CCDC51: variants seen among roughly 807,000 people sequenced by gnomAD.
The protein encoded by CCDC51 is mitochondrial potassium channel.
A neutral mutation model predicts 24.8 loss-of-function variants in CCDC51; 25 were observed. The ratio of observed to expected loss-of-function variants is 1.01; its 90% confidence interval spans 0.73 to 1.41. The LOEUF is 1.41. Among genes scored for constraint, CCDC51 ranks in the 40% most tolerant of loss-of-function variants. The pLI is 0.00. For synonymous variants in CCDC51, 190 were observed against 204.3 expected, an observed-to-expected ratio of 0.93 and a Z score of 0.60; for missense variants, 466 against 519.1, an observed-to-expected ratio of 0.90 and a Z score of 0.99.
chr3:48,440,692 C>T (rs1331152916), upstream of CCDC51: 9 of 1,450,044 alleles, frequency 6.2e-6, no homozygotes, highest in East Asian at 4.7e-5. Context: ...GGGATGAGGG[C>T]GCGGGCATGT....
upstream of CCDC51, among the ~76,000 whole-genome samples, chr3:48,444,751 G>A (rs1405700071): frequency 6.6e-6 from 1 of 152,218 alleles, no homozygotes; most frequent in Non-Finnish European, 1.5e-5. Flanking sequence ...AGGCAGGGCA[G>A]GGCAAATTAC....
Position 48,432,193 on chromosome 3 carries a change from G to T in CCDC51, c.*215C>A, listed in dbSNP as rs2107114422. On this transcript the variant is annotated 3_prime_UTR_variant, in exon 4 of 4. Transcript: ENST00000395694. ...GATTGTTTTAAATAATAAAACTCAG[G>T]ATATTTTAATTGGACATTAGCACAA... 1 of 562,402 alleles carries T rather than the reference G, an allele frequency of 1.8e-6. No homozygotes were observed. The highest frequency in any genetic ancestry group is 1.9e-5 in the African/African-American group (1 of 53,554). The allele number at this position is 562,402 out of a possible 1,614,324, so 34.8% of individuals were successfully genotyped here.
In CCDC51 at chr3:48,435,160, T is replaced by A; in HGVS notation, c.-8-24A>T. On this transcript the variant is annotated intron_variant, in intron 1 of 3. Transcript: ENST00000395694. This position sits in a 1 kb window ranked among gnomAD's most constrained non-coding sequence, Gnocchi z 4.2. ...ATCTGTGAGGGGGACGCCAGACAGG[T>A]CAGCTCACAGCTGAGAAAGGCTGGA... 1 of 1,537,862 alleles carries A rather than the reference T, an allele frequency of 6.5e-7. No individual in the cohort carries two copies. Among genetic ancestry groups the A allele is most frequent in the Non-Finnish European group, 8.8e-7 (1 of 1,142,828 alleles).
At chr3:48,434,732 A>G in intron 2 of CCDC51, 85 bp downstream of exon 2, 1 of 1,249,830 alleles carries the variant, frequency 8.0e-7, no homozygotes. Flanking sequence ...ACAAGTCTGG[A>G]TGTGGCTACC....
At chr3:48,439,947 A>C (rs1301151164) in intron 1 of CCDC51, 41 bp downstream of exon 1, 1 of 381,382 alleles carries the variant, frequency 2.6e-6, no homozygotes, top group Non-Finnish European at 4.7e-6. Context: ...GAAAGCGACG[A>C]GCTTGAAGCT....
At chr3:48,443,589 G>A (rs564526552), upstream of CCDC51, among the ~76,000 whole-genome samples, 28 of 151,990 alleles carry the variant, frequency 1.8e-4, no homozygotes, top group East Asian at 3.7e-3. Flanking sequence ...TATGGCATGA[G>A]GATTAAATAA....
chr3:48,433,883 A>G lies in CCDC51; in HGVS notation c.313-12T>C. ...AACACTTTCTCAGCCTGCAAAGAGA[A>G]AACCGGAGGCCATCTGCACCTTCTC... On this transcript the variant is annotated splice_polypyrimidine_tract_variant and intron_variant, in intron 2 of 3. Coordinates refer to ENST00000395694, the MANE Select transcript of CCDC51 (RefSeq NM_001256964.2). This position sits in a 1 kb window ranked among gnomAD's most constrained non-coding sequence, Gnocchi z 4.4. The G allele has an allele frequency of 6.2e-7, 1 of 1,611,268 alleles. No individual in the cohort carries two copies. The highest frequency in any genetic ancestry group is 1.3e-5 in the African/African-American group (1 of 74,976).
At position 48,433,912 on chromosome 3, in the gene CCDC51, A is replaced by G; in HGVS notation, c.313-41T>C. 6.3e-7 allele frequency: 1 copy of G among 1,594,928 alleles called. No individual in the cohort carries two copies. The highest frequency in any genetic ancestry group is 8.6e-7 in the Non-Finnish European group (1 of 1,169,340). On this transcript the variant is annotated intron_variant, in intron 2 of 3. Coordinates refer to ENST00000395694, the MANE Select transcript of CCDC51 (RefSeq NM_001256964.2). This position sits in a 1 kb window ranked among gnomAD's most constrained non-coding sequence, Gnocchi z 4.4. The stretch of plus-strand genomic sequence containing the variant: ...CGGAGGCCATCTGCACCTTCTCTCC[A>G]CACCCACACAGGCTCAGCTGCATTC...
chr3:48,442,067 T>C (rs572648938), upstream of CCDC51, among the ~76,000 whole-genome samples: 2 of 151,998 alleles, frequency 1.3e-5, no homozygotes, highest in African/African-American at 4.8e-5. Context: ...ACAGAAAAAA[T>C]TTAAAATTAG....
Position 48,433,980 on chromosome 3 carries a change from C to T in CCDC51, c.313-109G>A. The T allele has an allele frequency of 2.7e-6, 4 of 1,498,926 alleles. No homozygotes were observed. The highest frequency in any genetic ancestry group is 3.5e-6 in the Non-Finnish European group (4 of 1,128,424). 92.9% of individuals were successfully genotyped at this position (1,498,926 alleles called of 1,614,324 possible). A position where few individuals can be genotyped will look rare whatever the true frequency, so the allele number is the denominator to read the frequency against. ...GAAGAGGTCACTGGGGTGTGAGCTG[C>T]AAAGGGTGGAAACGGAATTCCTTAG... On this transcript the variant is annotated intron_variant, in intron 2 of 3. Transcript: ENST00000395694. The surrounding 1 kb of genome is among the most constrained non-coding windows in gnomAD (Gnocchi z 4.4).
upstream of CCDC51, among the ~76,000 whole-genome samples, chr3:48,443,241 C>CAAAA (rs3082576): frequency 6.2e-4 from 44 of 70,534 alleles, no homozygotes; most frequent in African/African-American, 2.6e-3. Flanking sequence ...ACTCCATCTC[C>CAAAA]AAAAAAAAAA....
At chr3:48,440,172 C>G, upstream of CCDC51, 1 of 1,467,934 alleles carries the variant, frequency 6.8e-7, no homozygotes, top group South Asian at 1.4e-5. Context: ...GCGCCGCATC[C>G]GGTAGCGAGA....
upstream of CCDC51, chr3:48,440,213 G>T: frequency 6.6e-7 from 1 of 1,518,792 alleles, no homozygotes; most frequent in Non-Finnish European, 8.8e-7. Flanking sequence ...GCCAATCAGC[G>T]GGGCCGCCTC....
At chr3:48,434,193 TTATGCCTTATA>T (rs1341501472) in intron 2 of CCDC51, among the ~76,000 whole-genome samples, 2 of 152,200 alleles carry the variant, frequency 1.3e-5, no homozygotes, top group Non-Finnish European at 2.9e-5. Flanking sequence ...GTTGCCTTAT[TTATGCCTTATA>T]ACAATGCCAT....
upstream of CCDC51, chr3:48,440,325 G>C (rs534806553): frequency 6.2e-7 from 1 of 1,611,536 alleles, no homozygotes; most frequent in Non-Finnish European, 8.5e-7. Flanking sequence ...AAGTGTTCCG[G>C]AACCGTGAGG....
chr3:48,445,391 C>T (rs1196213124), upstream of CCDC51, among the ~76,000 whole-genome samples: 1 of 152,158 alleles, frequency 6.6e-6, no homozygotes, highest in African/African-American at 2.4e-5. Flanking sequence ...CAGGGGGAAG[C>T]CTGTGTTGGT....
chr3:48,436,344 C>T (rs759471187), intron 1 of CCDC51, among the ~76,000 whole-genome samples: 1 of 152,218 alleles, frequency 6.6e-6, no homozygotes, highest in East Asian at 1.9e-4. Flanking sequence ...AGCCTCCTCT[C>T]CATCATGCTG....
upstream of CCDC51, among the ~76,000 whole-genome samples, chr3:48,443,426 C>T (rs111761521): frequency 0.048 from 7,295 of 150,970 alleles, 536 homozygotes; most frequent in African/African-American, 0.16. Context: ...CCCAGCTGCT[C>T]GGAAGGCTGA....
chr3:48,441,789 T>C (rs1255886525), upstream of CCDC51, among the ~76,000 whole-genome samples: 1 of 152,218 alleles, frequency 6.6e-6, no homozygotes, highest in African/African-American at 2.4e-5. Flanking sequence ...ATGCCCCCAT[T>C]TGAGCACTGT....
Sources: gnomAD v4.1 joint callset for allele counts (sites outside exome capture counted in the v4.1 genomes callset) on GRCh38, gnomAD v4.1.1 for gene constraint, Gnocchi (gnomAD v3.1) non-coding constraint, MANE v1.5 for transcripts, NCBI Gene and HGNC (gene_info 2026-07-23, HGNC 2026-07-21) for gene names.